The following LIPC variants were observed in gnomAD, a reference collection of about 807,000 sequenced individuals.
LIPC encodes the protein hepatic triacylglycerol lipase.
A neutral mutation model predicts 50.7 loss-of-function variants in LIPC; 44 were observed. The ratio of observed to expected loss-of-function variants is 0.87; its 90% confidence interval spans 0.68 to 1.11. The LOEUF (loss-of-function observed/expected upper bound fraction) is 1.11. Among genes scored for constraint, LIPC ranks in the 50% most tolerant of loss-of-function variants. The pLI is 0.00. For synonymous variants in LIPC, 271 were observed against 256.4 expected (o/e 1.06, Z -0.54); for missense variants, 697 against 648.2 (o/e 1.08, Z -0.82).
chr15:58,494,627 C>A (rs1364995140), intron 1 of LIPC: 6 of 376,090 alleles, frequency 1.6e-5, no homozygotes, highest in African/African-American at 8.4e-5. Context: ...GTTGAGCTAA[C>A]AGCCCTGACC....
At chr15:58,440,733 G>C (rs1179238255) in intron 1 of LIPC, among the ~76,000 whole-genome samples, 1 of 152,182 alleles carries the variant, frequency 6.6e-6, no homozygotes, top group East Asian at 1.9e-4. Context: ...GCGCAGGTTA[G>C]CTGAGAAGCC....
intron 1 of LIPC, among the ~76,000 whole-genome samples, chr15:58,527,675 C>T (rs1892834287): frequency 6.6e-6 from 1 of 152,178 alleles, no homozygotes; most frequent in African/African-American, 2.4e-5. Flanking sequence ...ACCATAAGAC[C>T]ATGAGCTTTT....
rs565156843 is a variant in LIPC, at chr15:58,568,910, C to T, written c.*83C>T. On this transcript the variant is annotated 3_prime_UTR_variant, in exon 9 of 9. Transcript: ENST00000299022. Reference sequence around the variant, plus strand: ...CTGCCTTATTTAGAAGCCAAAATTACATAAAGAATCTCACACAAAGCTTAA... The same window carrying T: ...CTGCCTTATTTAGAAGCCAAAATTATATAAAGAATCTCACACAAAGCTTAA... 1 of 721,744 alleles carries T rather than the reference C, an allele frequency of 1.4e-6. No individual in the cohort carries two copies. The highest frequency in any genetic ancestry group is 1.8e-5 in the African/African-American group (1 of 56,190). 44.7% of individuals were successfully genotyped at this position (721,744 alleles called of 1,614,324 possible).
chr15:58,439,396 A>G (rs1184893408), intron 1 of LIPC, among the ~76,000 whole-genome samples: 1 of 152,178 alleles, frequency 6.6e-6, no homozygotes, highest in African/African-American at 2.4e-5. Context: ...TAGATCAGTG[A>G]TCCTGGAACT....
chr15:58,542,385 G>C, intron 3 of LIPC, 149 bp from the exon 4 acceptor site: 1 of 731,630 alleles, frequency 1.4e-6, no homozygotes, highest in East Asian at 2.5e-5. Context: ...TCAGCCAGTT[G>C]AGAGATTAGT....
chr15:58,503,009 A>G (rs1242882063), intron 1 of LIPC, among the ~76,000 whole-genome samples: 2 of 151,844 alleles, frequency 1.3e-5, no homozygotes, highest in African/African-American at 4.8e-5. Context: ...TGTGCCATGC[A>G]TCATTGACAA....
intron 1 of LIPC, among the ~76,000 whole-genome samples, chr15:58,450,643 TG>T (rs1893867778): frequency 1.3e-5 from 2 of 152,226 alleles, no homozygotes; most frequent in South Asian, 4.1e-4. Flanking sequence ...TACATGGGTC[TG>T]GGACCACACA....
At chr15:58,513,171 C>G (rs1262842281) in intron 1 of LIPC, among the ~76,000 whole-genome samples, 2 of 152,146 alleles carry the variant, frequency 1.3e-5, no homozygotes, top group African/African-American at 4.8e-5. Flanking sequence ...TTAATGGAAG[C>G]TTAACAGATT....
At chr15:58,441,266 A>G (rs573707623) in intron 1 of LIPC, among the ~76,000 whole-genome samples, 1 of 152,366 alleles carries the variant, frequency 6.6e-6, no homozygotes, top group Middle Eastern at 3.4e-3. Context: ...ACACTAAATC[A>G]TGGGAAAGAT....
At chr15:58,461,864 G>C (rs895282710) in intron 1 of LIPC, among the ~76,000 whole-genome samples, 1 of 151,914 alleles carries the variant, frequency 6.6e-6, no homozygotes, top group Non-Finnish European at 1.5e-5. Flanking sequence ...TCAAATTCCA[G>C]CTCCTTTAAA....
rs557908188 is a variant in LIPC at position 58,440,618 on chromosome 15, G to GT, written c.88+8499dup. 3.3e-5 allele frequency among the ~76,000 whole-genome samples: 5 copies of GT among 152,356 alleles called. No individual in the cohort carries two copies. In the South Asian group the frequency reaches 8.3e-4, roughly 25 times the overall value. Reference sequence around the variant, plus strand: ...GTCTCTAGCCCCTTATGGGGTGTGTGTGGGGGCAGGGAGGTTGGAGATTGG... The same window carrying GT: ...GTCTCTAGCCCCTTATGGGGTGTGTGTTGGGGGCAGGGAGGTTGGAGATTGG... On this transcript the variant is annotated intron_variant, in intron 1 of 8. Coordinates refer to ENST00000299022, the MANE Select transcript of LIPC (RefSeq NM_000236.3).
chr15:58,540,384 T>G (rs1893279786), intron 2 of LIPC, among the ~76,000 whole-genome samples: 1 of 149,268 alleles, frequency 6.7e-6, no homozygotes, highest in Non-Finnish European at 1.5e-5. Context: ...TTAACGTATT[T>G]CTCCTTCATA....
chr15:58,532,525 A>C (rs889546926), intron 1 of LIPC, among the ~76,000 whole-genome samples: 48 of 152,156 alleles, frequency 3.2e-4, no homozygotes, highest in African/African-American at 5.3e-4. Flanking sequence ...AAGCCCCCCT[A>C]CACACACATT....
chr15:58,445,155 G>C (rs1464234764), intron 1 of LIPC, among the ~76,000 whole-genome samples: 1 of 152,216 alleles, frequency 6.6e-6, no homozygotes, highest in African/African-American at 2.4e-5. Flanking sequence ...CTCTTCAACA[G>C]AATGATTGGG....
rs180900166 is a variant in LIPC, at chr15:58,489,116, G to A, written c.89-49217G>A. On this transcript the variant is annotated intron_variant, in intron 1 of 8. Transcript: ENST00000299022. Reference sequence around the variant, plus strand: ...ACCTTACAGATAAGCTGAACAGATGGTTGCCTCCATGGTAGTATTTGAATA... The same window carrying A: ...ACCTTACAGATAAGCTGAACAGATGATTGCCTCCATGGTAGTATTTGAATA... Among the ~76,000 whole-genome samples the A allele has an allele frequency of 8.3e-4, 125 of 150,704 alleles. 1 individual carries two copies. Among genetic ancestry groups the A allele is most frequent in the Non-Finnish European group, 1.5e-3 (104 of 67,852 alleles).
At chr15:58,477,969 C>A (rs1891054401) in intron 1 of LIPC, among the ~76,000 whole-genome samples, 1 of 152,022 alleles carries the variant, frequency 6.6e-6, no homozygotes, top group African/African-American at 2.4e-5. Context: ...TCCCTCCTCT[C>A]CAGCCAGGGG....
chr15:58,478,840 T>C (rs1891091224), intron 1 of LIPC, among the ~76,000 whole-genome samples: 1 of 152,244 alleles, frequency 6.6e-6, no homozygotes, highest in Admixed American at 6.5e-5. Context: ...AATCAATGCA[T>C]GAATAAATGA....
At chr15:58,550,825 CTTTTTTTTT>C (rs55943459) in intron 6 of LIPC, among the ~76,000 whole-genome samples, 4 of 45,116 alleles carry the variant, frequency 8.9e-5, no homozygotes, top group East Asian at 7.8e-4. Flanking sequence ...TTCTTTCTTA[CTTTTTTTTT>C]TTTTTTTTTT....
At chr15:58,554,370 G>A (rs1893862954) in intron 6 of LIPC, among the ~76,000 whole-genome samples, 1 of 152,042 alleles carries the variant, frequency 6.6e-6, no homozygotes, top group South Asian at 2.1e-4. Flanking sequence ...ATGTTGTACT[G>A]GTCTCTTTGC....
Sources: allele counts gnomAD v4.1 joint callset (sites outside exome capture counted in the v4.1 genomes callset), GRCh38; gene constraint gnomAD v4.1.1; transcripts MANE v1.5; gene names NCBI Gene and HGNC (gene_info 2026-07-23, HGNC 2026-07-21).